Variants in RIC1 observed in about 807,000 individuals in gnomAD.
RIC1 encodes the protein guanine nucleotide exchange factor subunit RIC1.
RIC1 carries 88 observed loss-of-function variants against 169.0 expected under a neutral mutation model. The observed-to-expected ratio is 0.52, with a 90% CI of 0.44 to 0.62. RIC1 has a LOEUF of 0.62. Ranked by LOEUF, RIC1 falls within the 20% of genes least tolerant of loss-of-function variation. The pLI, the probability that RIC1 is intolerant of heterozygous loss-of-function variation, is 0.00. For missense variants in RIC1, 1,877 were observed against 1,725.5 expected (o/e 1.09, Z -1.56); for synonymous variants, 790 against 601.5 (o/e 1.31, Z -4.59).
chr9:5,676,651 A>G (rs1820465884), intron 2 of RIC1, among the ~76,000 whole-genome samples: 1 of 152,184 alleles, frequency 6.6e-6, no homozygotes, highest in African/African-American at 2.4e-5. Flanking sequence ...TTAAAAAGAA[A>G]TCTCACTGGC....
chr9:5,743,709 A>G lies in RIC1; in HGVS notation c.1067A>G (p.Lys356Arg). 1 of 1,610,828 alleles carries G rather than the reference A, an allele frequency of 6.2e-7. No individual in the cohort carries two copies. The highest frequency in any genetic ancestry group is 8.5e-7 in the Non-Finnish European group (1 of 1,177,514). The change falls in exon 10 of 26, where the codon AAA (lysine) becomes AGA (arginine). Residue 356 changes from lysine to arginine, a missense_variant. This residue lies in a region of RIC1 where 1,104 missense variants were observed against 992.0 expected (regional missense o/e 1.11). Transcript: ENST00000414202. ...GDFAYRSDGT[K>R]KDPLKINSMS... ...TTCAGTTATAGGTCTGATGGCACCA[A>G]AAAAGATCCCCTTAAGATCAACTCT...
At chr9:5,746,112 A>G (rs1380154034) in intron 11 of RIC1, 29 bp downstream of exon 11, 1 of 1,573,874 alleles carries the variant, frequency 6.4e-7, no homozygotes. Context: ...CTGATTTTTT[A>G]GTGTCTTTTG....
intron 6 of RIC1, among the ~76,000 whole-genome samples, chr9:5,723,987 T>C (rs1049853149): frequency 5.9e-4 from 90 of 152,130 alleles, no homozygotes; most frequent in Non-Finnish European, 9.4e-4. Flanking sequence ...TGAAGTCAGG[T>C]AGCGTGATGC....
At chr9:5,645,509 A>G (rs1177794188) in intron 1 of RIC1, among the ~76,000 whole-genome samples, 1 of 151,986 alleles carries the variant, frequency 6.6e-6, no homozygotes, top group Non-Finnish European at 1.5e-5. Context: ...TTTCATTTTC[A>G]TTTTCCCAAA....
chr9:5,751,560 G>T (rs997756888), intron 12 of RIC1, among the ~76,000 whole-genome samples: 8 of 151,830 alleles, frequency 5.3e-5, no homozygotes, highest in Non-Finnish European at 8.8e-5. Context: ...TCACCATGCT[G>T]GCCGGGCTGG....
chr9:5,645,490 A>G (rs1818459192), intron 1 of RIC1, among the ~76,000 whole-genome samples: 2 of 152,236 alleles, frequency 1.3e-5, no homozygotes, highest in South Asian at 2.1e-4. Context: ...CACCATCAGT[A>G]TCCAGAACTT....
At chr9:5,685,025 TG>T (rs577308933) in intron 2 of RIC1, among the ~76,000 whole-genome samples, 323 of 152,230 alleles carry the variant, frequency 2.1e-3, no homozygotes, top group African/African-American at 6.6e-3. Context: ...TTGGTTGTGA[TG>T]TTTTTTTTTT....
chr9:5,712,314 C>G (rs191254317), intron 3 of RIC1, among the ~76,000 whole-genome samples: 38 of 152,290 alleles, frequency 2.5e-4, no homozygotes, highest in Admixed American at 1.9e-3. Context: ...ATTTGCATTT[C>G]TCTGATGGCC....
At chr9:5,699,100 C>G (rs991016698) in intron 3 of RIC1, among the ~76,000 whole-genome samples, 1 of 152,158 alleles carries the variant, frequency 6.6e-6, no homozygotes, top group Non-Finnish European at 1.5e-5. Flanking sequence ...ACAAAGATAG[C>G]TTCTTTAATA....
chr9:5,695,647 C>T (rs1325662113), intron 3 of RIC1, among the ~76,000 whole-genome samples: 1 of 150,124 alleles, frequency 6.7e-6, no homozygotes, highest in Non-Finnish European at 1.5e-5. Context: ...ATCTTGGCTC[C>T]CTGCAATCTC....
intron 3 of RIC1, among the ~76,000 whole-genome samples, chr9:5,697,351 T>A (rs779131942): frequency 6.6e-6 from 1 of 152,212 alleles, no homozygotes; most frequent in Non-Finnish European, 1.5e-5. Flanking sequence ...CCTCATGATA[T>A]CAGTCCTGTG....
At chr9:5,655,473 G>A (rs1266918540) in intron 1 of RIC1, among the ~76,000 whole-genome samples, 1 of 151,884 alleles carries the variant, frequency 6.6e-6, no homozygotes, top group African/African-American at 2.4e-5. Context: ...GCTAATTTTT[G>A]TATTTTTAGT....
intron 1 of RIC1, among the ~76,000 whole-genome samples, chr9:5,639,266 G>T (rs1318359145): frequency 1.3e-5 from 2 of 152,056 alleles, no homozygotes; most frequent in Non-Finnish European, 2.9e-5. Flanking sequence ...TACTGCTTTT[G>T]CTGTCTCCCA....
chr9:5,765,387 G>T (rs1452465641), intron 19 of RIC1, 27 bp from the exon 20 acceptor site: 1 of 1,595,818 alleles, frequency 6.3e-7, no homozygotes, highest in African/African-American at 1.4e-5. Flanking sequence ...AGTATAAAAA[G>T]AATGCTGTCC....
In RIC1 at chr9:5,765,665, C is replaced by T; in HGVS notation, c.3004C>T (p.Pro1002Ser). The T allele has an allele frequency of 6.2e-7, 1 of 1,614,136 alleles. No individual in the cohort carries two copies. The highest frequency in any genetic ancestry group is 8.5e-7 in the Non-Finnish European group (1 of 1,179,992). Residue 1002 changes from proline to serine, a missense_variant, in exon 21 of 26, where the codon CCC (proline) becomes TCC (serine). Coordinates refer to ENST00000414202, the MANE Select transcript of RIC1 (RefSeq NM_020829.4). ...TGCATATGGTGTGTAATCCTAGGAA[C>T]CCAGTTCAAGTGGTGGATTTGAGTT... is the stretch of plus-strand genomic sequence containing the variant. ...TPPSTPTAQEPSSSGGFEFFR... is the reference protein window; with the variant it reads ...TPPSTPTAQESSSSGGFEFFR...
chr9:5,760,198 T>C (rs1172618728), intron 17 of RIC1, among the ~76,000 whole-genome samples: 1 of 152,208 alleles, frequency 6.6e-6, no homozygotes, highest in Non-Finnish European at 1.5e-5. Flanking sequence ...GAAACTCTCA[T>C]AGAGAATCAT....
At chr9:5,650,964 G>T (rs1301428906) in intron 1 of RIC1, among the ~76,000 whole-genome samples, 1 of 152,146 alleles carries the variant, frequency 6.6e-6, no homozygotes, top group East Asian at 1.9e-4. Context: ...TGTGCTCAAG[G>T]GCAGGATGCA....
intron 6 of RIC1, among the ~76,000 whole-genome samples, chr9:5,726,819 G>C (rs1412257613): frequency 4.6e-5 from 7 of 152,318 alleles, no homozygotes; most frequent in South Asian, 2.1e-4. Context: ...ACGAAGCTTA[G>C]TTTGGCTGGA....
At chr9:5,769,491 C>G in intron 22 of RIC1, 3 of 1,412,768 alleles carry the variant, frequency 2.1e-6, no homozygotes, top group South Asian at 3.0e-5. Flanking sequence ...AAAATCTAAT[C>G]ATACTTGGAT....
Sources: allele counts gnomAD v4.1 joint callset (sites outside exome capture counted in the v4.1 genomes callset), GRCh38; gene constraint gnomAD v4.1.1; regional missense constraint gnomAD v4.1.1; transcripts MANE v1.5; gene names NCBI Gene and HGNC (gene_info 2026-07-23, HGNC 2026-07-21).